The following AFF3 variants were observed in gnomAD, a reference collection of about 807,000 sequenced individuals.
AFF3 encodes the protein ALF transcription elongation factor 3.
A neutral mutation model predicts 129.7 loss-of-function variants in AFF3; 32 were observed. The ratio of observed to expected loss-of-function variants is 0.25; its 90% CI spans 0.19 to 0.33. AFF3 has a LOEUF of 0.33. Among genes scored for constraint, AFF3 ranks in the 10% least tolerant of loss-of-function variants. AFF3 has a pLI of 1.00. For synonymous variants in AFF3, 644 were observed against 635.4 expected (o/e 1.01, Z -0.20); for missense variants, 1,373 against 1,592.0 (o/e 0.86, Z 2.34).
Position 99,727,040 on chromosome 2 carries a change from G to A in AFF3, c.1091+37C>T, listed in dbSNP as rs375195341. On this transcript the variant is annotated intron_variant, in intron 11 of 24. Transcript: ENST00000672756. ...ATCTCATTTTATGAGGCATATTTAA[G>A]AACAGGCATCTCTGATAGAAAATGA... The A allele has an allele frequency of 8.9e-4, 1,386 of 1,552,068 alleles. 17 individuals are homozygous for A. The South Asian group carries it at 0.014, about 16-fold the overall frequency.
intron 12 of AFF3, 41 bp downstream of exon 12, chr2:99,672,496 AG>A (rs772979596): frequency 6.3e-7 from 1 of 1,589,722 alleles, no homozygotes; most frequent in Non-Finnish European, 8.6e-7. Context: ...AACTGTTACC[AG>A]TGTCACCTCC....
intron 13 of AFF3, among the ~76,000 whole-genome samples, chr2:99,618,354 G>C (rs1415344803): frequency 7.0e-6 from 1 of 143,516 alleles, no homozygotes; most frequent in Non-Finnish European, 1.5e-5. Flanking sequence ...TCCTTCCTCA[G>C]CTTCCTGAGT....
At chr2:100,061,857 AGG>A (rs11370065) in intron 4 of AFF3, among the ~76,000 whole-genome samples, 16 of 97,346 alleles carry the variant, frequency 1.6e-4, no homozygotes, top group South Asian at 1.3e-3. Context: ...AGCACAGTGG[AGG>A]GGGGGGGGGT....
At chr2:99,765,122 A>T (rs577079407) in intron 8 of AFF3, among the ~76,000 whole-genome samples, 1 of 152,222 alleles carries the variant, frequency 6.6e-6, no homozygotes, top group Admixed American at 6.5e-5. Context: ...TTTATTTCTG[A>T]CTCACATAAT....
intron 13 of AFF3, among the ~76,000 whole-genome samples, chr2:99,606,782 C>T (rs1680388661): frequency 6.6e-6 from 1 of 151,794 alleles, no homozygotes; most frequent in Non-Finnish European, 1.5e-5. Context: ...GACATGGTGG[C>T]AGGCACCTGT....
intron 4 of AFF3, chr2:100,011,387 C>T: frequency 1.3e-6 from 1 of 759,356 alleles, no homozygotes. Flanking sequence ...CAACCAGACA[C>T]ACAAGACTGG....
chr2:99,579,616 A>G (rs759329489), intron 17 of AFF3, among the ~76,000 whole-genome samples: 8 of 152,064 alleles, frequency 5.3e-5, no homozygotes, highest in Non-Finnish European at 1.2e-4. Context: ...GCTACTCAGG[A>G]GGCTGAGGCA....
chr2:99,895,006 C>G (rs1017888410), intron 7 of AFF3, among the ~76,000 whole-genome samples: 2 of 152,186 alleles, frequency 1.3e-5, no homozygotes, highest in African/African-American at 4.8e-5. Context: ...TTTCTCGAGG[C>G]CTTTTCATTG....
At chr2:99,769,050 G>A (rs1016892883) in intron 8 of AFF3, among the ~76,000 whole-genome samples, 11 of 152,096 alleles carry the variant, frequency 7.2e-5, no homozygotes, top group Admixed American at 5.9e-4. Flanking sequence ...TCTAGGTTCC[G>A]TTATTATACC....
rs1559510828 is a variant in AFF3, at chr2:99,589,396, C to CT, written c.2467-2119_2467-2118insA. ...GACAACACCCCTGCAAAGATGTCAA[C>CT]ATTTTTTTTTTTTTTTTTTTTTTTG... On this transcript the variant is annotated intron_variant, in intron 15 of 24. Transcript: ENST00000672756. Among the ~76,000 whole-genome samples, 136 of 98,366 alleles carry CT rather than the reference C, an allele frequency of 1.4e-3. 1 individual carries two copies. Among genetic ancestry groups the CT allele is most frequent in the African/African-American group, 4.8e-3 (127 of 26,622 alleles). The allele number at this position is 98,366 out of a possible 152,430, so 64.5% of individuals were successfully genotyped here. A position where few individuals can be genotyped will look rare whatever the true frequency, so the allele number is the denominator to read the frequency against.
chr2:99,730,873 A>G (rs962596093), intron 10 of AFF3, among the ~76,000 whole-genome samples: 1 of 152,178 alleles, frequency 6.6e-6, no homozygotes, highest in Non-Finnish European at 1.5e-5. Context: ...GGTTTTAAAA[A>G]AATGAACAGA....
chr2:99,881,407 A>C (rs1211228572), intron 7 of AFF3, among the ~76,000 whole-genome samples: 3 of 39,112 alleles, frequency 7.7e-5, no homozygotes, highest in Admixed American at 3.2e-4. Context: ...GCATCTTTTC[A>C]AAAAAAAAAA....
chr2:99,924,745 C>T (rs527704836), intron 7 of AFF3, among the ~76,000 whole-genome samples: 13 of 152,204 alleles, frequency 8.5e-5, no homozygotes, highest in African/African-American at 2.6e-4. Context: ...CTGGAAAAAC[C>T]GACATCATGA....
intron 7 of AFF3, among the ~76,000 whole-genome samples, chr2:99,878,526 T>A (rs1310301570): frequency 6.6e-6 from 1 of 152,192 alleles, no homozygotes; most frequent in Non-Finnish European, 1.5e-5. Context: ...TAGATTTTAA[T>A]AAAAATTAAG....
chr2:99,751,335 C>T (rs530930016), intron 9 of AFF3, among the ~76,000 whole-genome samples: 1 of 152,274 alleles, frequency 6.6e-6, no homozygotes, highest in South Asian at 2.1e-4. Flanking sequence ...TCAACTGAGC[C>T]ACCTGCTTTG....
chr2:99,684,941 C>T (rs910865154), intron 11 of AFF3, among the ~76,000 whole-genome samples: 14 of 138,850 alleles, frequency 1.0e-4, no homozygotes, highest in Non-Finnish European at 1.4e-4. Flanking sequence ...TTCTTTCTTT[C>T]TTTTTTTTTT....
At chr2:99,598,510 C>T (rs1463981135) in intron 14 of AFF3, among the ~76,000 whole-genome samples, 1 of 152,200 alleles carries the variant, frequency 6.6e-6, no homozygotes, top group East Asian at 1.9e-4. Flanking sequence ...CAAATTGGCT[C>T]TCAACACACA....
intron 7 of AFF3, among the ~76,000 whole-genome samples, chr2:99,867,710 C>G (rs1260766950): frequency 2.0e-5 from 3 of 152,206 alleles, no homozygotes; most frequent in Admixed American, 2.0e-4. Context: ...CCATATCCCC[C>G]CAATCCCCGG....
intron 4 of AFF3, among the ~76,000 whole-genome samples, chr2:100,073,285 C>T (rs570765672): frequency 6.6e-6 from 1 of 152,212 alleles, no homozygotes; most frequent in Non-Finnish European, 1.5e-5. Context: ...AAAGGGGACA[C>T]GTGGACACAG....
Sources: gnomAD v4.1 joint callset for allele counts (sites outside exome capture counted in the v4.1 genomes callset) on GRCh38, gnomAD v4.1.1 for gene constraint, MANE v1.5 for transcripts, NCBI Gene and HGNC (gene_info 2026-07-23, HGNC 2026-07-21) for gene names.